MYRIP: variants seen among roughly 807,000 people sequenced by gnomAD.
MYRIP encodes myosin VIIA and Rab interacting protein, also known as rab effector MyRIP.
Under a neutral mutation model 98.0 loss-of-function variants are expected in MYRIP, and 49 were observed. That is an observed-to-expected ratio of 0.50 (90% CI 0.40 to 0.63). The LOEUF is 0.63. Among genes scored for constraint, MYRIP ranks in the 30% least tolerant of loss-of-function variants. MYRIP has a pLI of 0.00. For missense variants in MYRIP, 1,004 were observed against 1,058.2 expected, an observed-to-expected ratio of 0.95 and a Z score of 0.71; for synonymous variants, 404 against 409.5, an observed-to-expected ratio of 0.99 and a Z score of 0.16.
chr3:40,059,859 T>C (rs1214435860), intron 3 of MYRIP, among the ~76,000 whole-genome samples: 1 of 152,162 alleles, frequency 6.6e-6, no homozygotes, highest in Non-Finnish European at 1.5e-5. Flanking sequence ...AGATGACAAC[T>C]CCAAACCCAC....
chr3:40,055,914 A>G (rs906171393), intron 3 of MYRIP, among the ~76,000 whole-genome samples: 1 of 152,234 alleles, frequency 6.6e-6, no homozygotes, highest in Non-Finnish European at 1.5e-5. Context: ...TAAGAGAATT[A>G]ATCGAAAATG....
At chr3:40,034,072 C>T (rs536398155) in intron 2 of MYRIP, among the ~76,000 whole-genome samples, 2 of 152,058 alleles carry the variant, frequency 1.3e-5, no homozygotes, top group African/African-American at 2.4e-5. Flanking sequence ...AAAATTAATT[C>T]AAGATGGATT....
chr3:40,187,544 C>T (rs980949000), intron 9 of MYRIP, among the ~76,000 whole-genome samples: 4 of 152,218 alleles, frequency 2.6e-5, no homozygotes, highest in Admixed American at 6.5e-5. Context: ...CCCTTTTTCA[C>T]CAGTCAGAGA....
At chr3:40,151,315 A>T (rs1950114309) in intron 4 of MYRIP, 131 bp downstream of exon 4, 2 of 999,594 alleles carry the variant, frequency 2.0e-6, no homozygotes, top group African/African-American at 3.3e-5. Context: ...GGCACCAGTG[A>T]GAAGCAGAAA....
intron 3 of MYRIP, among the ~76,000 whole-genome samples, chr3:40,118,012 T>C (rs1326862822): frequency 9.2e-6 from 1 of 108,802 alleles, no homozygotes. Flanking sequence ...GAAATACTCC[T>C]ACAAATCCAA....
At chr3:40,212,094 ATG>A (rs1284388700) in intron 11 of MYRIP, among the ~76,000 whole-genome samples, 4 of 102,074 alleles carry the variant, frequency 3.9e-5, no homozygotes, top group Admixed American at 2.1e-4. Flanking sequence ...ATATATATAT[ATG>A]TGTGTGTGTA....
chr3:40,243,475 A>G (rs1435728117), intron 12 of MYRIP, among the ~76,000 whole-genome samples: 1 of 151,810 alleles, frequency 6.6e-6, no homozygotes, highest in Non-Finnish European at 1.5e-5. Context: ...TATATTTTTA[A>G]CTCAAATTAA....
intron 3 of MYRIP, among the ~76,000 whole-genome samples, chr3:40,129,440 C>CAAAGA (rs1949591218): frequency 3.4e-5 from 1 of 29,372 alleles, no homozygotes; most frequent in South Asian, 1.9e-3. Flanking sequence ...GACTCTGTCT[C>CAAAGA]AAAAAAAAAA....
chr3:40,154,964 T>C (rs1288849583), intron 4 of MYRIP, among the ~76,000 whole-genome samples: 1 of 152,164 alleles, frequency 6.6e-6, no homozygotes, highest in East Asian at 1.9e-4. Flanking sequence ...TATCATTCTA[T>C]ATCTAATTTT....
intron 2 of MYRIP, among the ~76,000 whole-genome samples, chr3:40,034,085 A>G (rs1201391827): frequency 6.6e-6 from 1 of 152,198 alleles, no homozygotes; most frequent in Non-Finnish European, 1.5e-5. Flanking sequence ...GATGGATTAC[A>G]GACTTAAACG....
At chr3:39,871,863 A>C (rs1349898364) in intron 1 of MYRIP, among the ~76,000 whole-genome samples, 8 of 152,002 alleles carry the variant, frequency 5.3e-5, no homozygotes, top group Non-Finnish European at 1.0e-4. Context: ...AATAATAATA[A>C]ACAGTGCTTA....
At chr3:39,827,240 C>G (rs1209915804) in intron 1 of MYRIP, among the ~76,000 whole-genome samples, 1 of 152,128 alleles carries the variant, frequency 6.6e-6, no homozygotes, top group Non-Finnish European at 1.5e-5. Flanking sequence ...AACCTCCTCA[C>G]TAGCTAAGAG....
intron 3 of MYRIP, among the ~76,000 whole-genome samples, chr3:40,123,324 C>A (rs79308289): frequency 6.6e-6 from 1 of 152,102 alleles, no homozygotes; most frequent in Non-Finnish European, 1.5e-5. Flanking sequence ...AGCTGAAGTT[C>A]GTTAAAAGTT....
chr3:39,999,916 T>A (rs1946475234), intron 2 of MYRIP, among the ~76,000 whole-genome samples: 1 of 151,374 alleles, frequency 6.6e-6, no homozygotes, highest in African/African-American at 2.4e-5. Context: ...CTCAGCAAAC[T>A]ATCGCAAGGA....
intron 1 of MYRIP, among the ~76,000 whole-genome samples, chr3:39,815,067 T>C (rs1467656787): frequency 6.6e-6 from 1 of 152,210 alleles, no homozygotes; most frequent in Non-Finnish European, 1.5e-5. Context: ...GTGTTTTTAG[T>C]AAATTTGCAG....
intron 2 of MYRIP, among the ~76,000 whole-genome samples, chr3:40,002,587 C>T (rs1422560725): frequency 6.6e-6 from 1 of 151,856 alleles, no homozygotes; most frequent in East Asian, 1.9e-4. Flanking sequence ...CTGCCACTCC[C>T]AAGATCTGCT....
At chr3:40,047,311 T>C (rs1414211673) in intron 3 of MYRIP, among the ~76,000 whole-genome samples, 1 of 152,244 alleles carries the variant, frequency 6.6e-6, no homozygotes, top group Non-Finnish European at 1.5e-5. Context: ...TCTTGCATCA[T>C]GTTCGTGTTA....
At chr3:40,178,495 A>G (rs1243119663) in intron 8 of MYRIP, among the ~76,000 whole-genome samples, 1 of 152,142 alleles carries the variant, frequency 6.6e-6, no homozygotes, top group Non-Finnish European at 1.5e-5. Context: ...GGAATCAGTC[A>G]GACCCGAGCT....
intron 3 of MYRIP, among the ~76,000 whole-genome samples, chr3:40,133,547 A>G (rs1289400898): frequency 6.6e-6 from 1 of 152,186 alleles, no homozygotes; most frequent in East Asian, 1.9e-4. Context: ...GAGGCTTTAT[A>G]AAGAAGAATG....
Sources: allele counts gnomAD v4.1 joint callset (sites outside exome capture counted in the v4.1 genomes callset), GRCh38; gene constraint gnomAD v4.1.1; transcripts MANE v1.5; gene names NCBI Gene and HGNC (gene_info 2026-07-23, HGNC 2026-07-21).